Variants in IQSEC1 observed in about 807,000 individuals in gnomAD.
IQSEC1 encodes the protein IQ motif and Sec7 domain ArfGEF 1.
In IQSEC1, 31 loss-of-function variants were observed where a neutral mutation model predicts 91.0. The ratio of observed to expected loss-of-function variants is 0.34; its 90% CI spans 0.26 to 0.46. The LOEUF (loss-of-function observed/expected upper bound fraction) is 0.46. Ranked by LOEUF, IQSEC1 falls within the 20% of genes least tolerant of loss-of-function variation. IQSEC1 has a pLI of 1.00. For missense variants in IQSEC1, 1,388 were observed against 1,575.6 expected (o/e 0.88, Z 2.02); for synonymous variants, 699 against 662.6 (o/e 1.05, Z -0.84).
chr3:13,164,219 G>A (rs1366546699), intron 1 of IQSEC1, among the ~76,000 whole-genome samples: 1 of 152,124 alleles, frequency 6.6e-6, no homozygotes, highest in Non-Finnish European at 1.5e-5. Context: ...GGGACCCTGA[G>A]GCCCCAGCTG....
At chr3:13,030,576 G>T (rs1374668834) in intron 1 of IQSEC1, among the ~76,000 whole-genome samples, 1 of 152,238 alleles carries the variant, frequency 6.6e-6, no homozygotes, top group Non-Finnish European at 1.5e-5. Context: ...GACATCATGA[G>T]GCAATCAGCC....
chr3:12,912,564 T>C (rs530680413), intron 9 of IQSEC1, among the ~76,000 whole-genome samples: 1 of 149,308 alleles, frequency 6.7e-6, no homozygotes, highest in Admixed American at 6.8e-5. Context: ...CTCGGGAGGC[T>C]GAGGCAGGAG....
At chr3:12,986,135 G>A (rs1263028421) in intron 1 of IQSEC1, among the ~76,000 whole-genome samples, 3 of 152,202 alleles carry the variant, frequency 2.0e-5, no homozygotes, top group East Asian at 1.9e-4. Flanking sequence ...CAAGGTCACC[G>A]CAGGCTGGAC....
At chr3:13,078,701 G>A (rs2125125479) in intron 2 of IQSEC1, among the ~76,000 whole-genome samples, 1 of 152,310 alleles carries the variant, frequency 6.6e-6, no homozygotes, top group African/African-American at 2.4e-5. Context: ...TTGCTTTGCT[G>A]TTGCAGTTGT....
intron 1 of IQSEC1, among the ~76,000 whole-genome samples, chr3:13,231,279 CTGTG>C (rs1002102201): frequency 8.5e-5 from 13 of 152,256 alleles, no homozygotes; most frequent in Admixed American, 3.9e-4. Context: ...GTGTGTGTGT[CTGTG>C]TGTGTGCCCA....
chr3:13,027,466 G>A (rs1011435884), intron 1 of IQSEC1, among the ~76,000 whole-genome samples: 18 of 152,196 alleles, frequency 1.2e-4, no homozygotes, highest in Non-Finnish European at 1.3e-4. Flanking sequence ...AAAAGAGACC[G>A]CAAGGGGGCA....
At position 12,909,316 on chromosome 3, in the gene IQSEC1, C is replaced by G; in HGVS notation, c.2535G>C (p.Glu845Asp). 1 of 1,614,240 alleles carries G rather than the reference C, an allele frequency of 6.2e-7. No individual in the cohort carries two copies. Among genetic ancestry groups the G allele is most frequent in the Non-Finnish European group, 8.5e-7 (1 of 1,180,038 alleles). The part of the protein sequence containing the change: ...DRKKFTDDLR[E>D]SIAEVQEMEK... The stretch of plus-strand genomic sequence containing the variant: ...CCATCTCTTGGACTTCCGCAATGGA[C>G]TCCCGCAGGTCATCGGTGAATTTCT... The change falls in exon 11 of 14, where the codon GAG (glutamate) becomes GAC (aspartate). Residue 845 changes from glutamate to aspartate, a missense_variant. Glu to Asp is a conservative substitution (Grantham distance 45). Around this residue, in one of 2 missense-constraint regions of IQSEC1, gnomAD observed 1,059 missense variants for 1,317.8 expected, o/e 0.80. Transcript: ENST00000613206. The surrounding 1 kb of genome is among the most constrained non-coding windows in gnomAD (Gnocchi z 4.9).
At chr3:13,052,849 T>C (rs1704739740) in intron 1 of IQSEC1, 1 of 658,002 alleles carries the variant, frequency 1.5e-6, no homozygotes, top group Non-Finnish European at 2.7e-6. Context: ...GAGAAAAATA[T>C]ATTCCCAATA....
chr3:13,158,307 C>T (rs1446821340), intron 2 of IQSEC1, among the ~76,000 whole-genome samples: 1 of 152,226 alleles, frequency 6.6e-6, no homozygotes, highest in Non-Finnish European at 1.5e-5. Context: ...ACAGCAAACA[C>T]TCCCAGCTTT....
intron 1 of IQSEC1, among the ~76,000 whole-genome samples, chr3:13,012,819 C>G (rs1702945769): frequency 6.6e-6 from 1 of 152,150 alleles, no homozygotes; most frequent in Non-Finnish European, 1.5e-5. Flanking sequence ...CCCTTTTCTG[C>G]TTATGCCCGT....
At chr3:13,073,604 C>A (rs1705509314), upstream of IQSEC1, among the ~76,000 whole-genome samples, 1 of 152,224 alleles carries the variant, frequency 6.6e-6, no homozygotes, top group Admixed American at 6.5e-5. Context: ...GGGCGCGGGG[C>A]GCCGGCCCCT....
At chr3:13,196,152 G>A (rs565787992) in intron 1 of IQSEC1, among the ~76,000 whole-genome samples, 1 of 152,274 alleles carries the variant, frequency 6.6e-6, no homozygotes, top group African/African-American at 2.4e-5. Flanking sequence ...CCACCATGCT[G>A]TGAGGAAGCC....
chr3:13,160,189 A>G (rs144206073), intron 2 of IQSEC1, among the ~76,000 whole-genome samples: 1 of 152,328 alleles, frequency 6.6e-6, no homozygotes, highest in African/African-American at 2.4e-5. Flanking sequence ...GCTGCTCCGG[A>G]GGCTAAGAAA....
intron 2 of IQSEC1, among the ~76,000 whole-genome samples, chr3:13,079,643 A>G (rs1705618791): frequency 6.6e-6 from 1 of 152,160 alleles, no homozygotes; most frequent in African/African-American, 2.4e-5. Context: ...AGGAGCCTGC[A>G]TGAGAGGCTG....
intron 1 of IQSEC1, among the ~76,000 whole-genome samples, chr3:13,199,177 G>A (rs901489414): frequency 5.9e-5 from 9 of 152,224 alleles, no homozygotes; most frequent in African/African-American, 2.2e-4. Flanking sequence ...ATCAGAGAGA[G>A]CTCTCAGCCC....
At chr3:13,277,396 G>A (rs1237866623) in intron 1 of IQSEC1, among the ~76,000 whole-genome samples, 8 of 152,144 alleles carry the variant, frequency 5.3e-5, no homozygotes, top group Admixed American at 2.0e-4. Context: ...ACTTTATTTC[G>A]CACACAGTGC....
At chr3:13,052,749 T>A (rs1704735618) in intron 1 of IQSEC1, among the ~76,000 whole-genome samples, 1 of 152,124 alleles carries the variant, frequency 6.6e-6, no homozygotes, top group African/African-American at 2.4e-5. Context: ...CAGACGTACG[T>A]GGTGCCATGT....
intron 3 of IQSEC1, among the ~76,000 whole-genome samples, chr3:12,933,655 G>A (rs984817664): frequency 6.6e-6 from 1 of 152,202 alleles, no homozygotes; most frequent in Non-Finnish European, 1.5e-5. Context: ...ATAGAGATAC[G>A]ATGGGGCACA....
chr3:13,038,248 ATGTG>A (rs57707910), intron 1 of IQSEC1, among the ~76,000 whole-genome samples: 20 of 116,366 alleles, frequency 1.7e-4, no homozygotes, highest in Non-Finnish European at 2.6e-4. Context: ...AAGTATATAT[ATGTG>A]TGTGTGTGTG....
Sources: allele counts gnomAD v4.1 joint callset (sites outside exome capture counted in the v4.1 genomes callset), GRCh38; gene constraint gnomAD v4.1.1; regional missense constraint gnomAD v4.1.1; non-coding constraint Gnocchi (gnomAD v3.1); transcripts MANE v1.5; gene names NCBI Gene and HGNC (gene_info 2026-07-23, HGNC 2026-07-21).